The following TRIM33 variants were observed in gnomAD, a reference collection of about 807,000 sequenced individuals.
The protein encoded by TRIM33 is tripartite motif containing 33.
A neutral mutation model predicts 125.4 loss-of-function variants in TRIM33; 20 were observed. The observed-to-expected ratio is 0.16, with a 90% confidence interval of 0.11 to 0.23. The LOEUF (loss-of-function observed/expected upper bound fraction) is 0.23, where lower values mean the gene tolerates loss of function less well. TRIM33 is among the 10% of genes least tolerant of loss of function. TRIM33 has a pLI of 1.00. For synonymous variants in TRIM33, 564 were observed against 513.9 expected, an observed-to-expected ratio of 1.10 and a Z score of -1.32; for missense variants, 920 against 1,411.4, an observed-to-expected ratio of 0.65 and a Z score of 5.58.
chr1:114,444,039 C>T (rs946735566), intron 4 of TRIM33, among the ~76,000 whole-genome samples: 6 of 152,122 alleles, frequency 3.9e-5, no homozygotes, highest in African/African-American at 1.4e-4. Flanking sequence ...CAAAAATTTA[C>T]ATTCCTTTAA....
At chr1:114,480,311 G>A (rs895839632) in intron 1 of TRIM33, among the ~76,000 whole-genome samples, 1 of 151,960 alleles carries the variant, frequency 6.6e-6, no homozygotes, top group African/African-American at 2.4e-5. Flanking sequence ...ACCACTCCCT[G>A]ATCTCAAGTA....
At chr1:114,411,993 T>A (rs1256497743) in intron 11 of TRIM33, among the ~76,000 whole-genome samples, 1 of 152,116 alleles carries the variant, frequency 6.6e-6, no homozygotes. Flanking sequence ...AGCAAAGATA[T>A]TTCACAAAAG....
intron 4 of TRIM33, among the ~76,000 whole-genome samples, chr1:114,456,475 C>T (rs966543629): frequency 2.0e-5 from 3 of 152,044 alleles, no homozygotes; most frequent in Non-Finnish European, 4.4e-5. Flanking sequence ...GAAGTAGTTC[C>T]GCCATAGCAT....
chr1:114,470,031 A>G (rs746852790), intron 1 of TRIM33, among the ~76,000 whole-genome samples: 3 of 152,244 alleles, frequency 2.0e-5, no homozygotes, highest in Non-Finnish European at 4.4e-5. Flanking sequence ...GTGAAGTCAT[A>G]GTCATATATG....
At chr1:114,428,269 T>A (rs887143137) in intron 6 of TRIM33, among the ~76,000 whole-genome samples, 5 of 152,158 alleles carry the variant, frequency 3.3e-5, no homozygotes, top group Non-Finnish European at 7.4e-5. Flanking sequence ...GCCAAAAAAA[T>A]TTTGTGTCAC....
chr1:114,418,169 C>A (rs1036987581), intron 11 of TRIM33, among the ~76,000 whole-genome samples: 3 of 152,206 alleles, frequency 2.0e-5, no homozygotes, highest in African/African-American at 7.2e-5. Context: ...GGCACCTTCA[C>A]AAGGCAGTAG....
intron 1 of TRIM33, among the ~76,000 whole-genome samples, chr1:114,466,037 TCTC>T (rs1650279033): frequency 1.4e-5 from 2 of 147,410 alleles, no homozygotes; most frequent in Non-Finnish European, 3.0e-5. Flanking sequence ...AGAGACTCGG[TCTC>T]AAAAAAAAAA....
intron 13 of TRIM33, 102 bp from the exon 14 acceptor site, chr1:114,407,202 CAATT>C: frequency 2.0e-6 from 2 of 982,000 alleles, no homozygotes; most frequent in African/African-American, 1.6e-5. Flanking sequence ...AGACAATAGA[CAATT>C]AACTTTACAG....
chr1:114,494,932 G>A (rs961230026), intron 1 of TRIM33, among the ~76,000 whole-genome samples: 3 of 152,078 alleles, frequency 2.0e-5, no homozygotes, highest in African/African-American at 7.2e-5. Context: ...TGTTGTTATT[G>A]TTAGGCAGTC....
chr1:114,495,468 G>A (rs1197184316), intron 1 of TRIM33, among the ~76,000 whole-genome samples: 1 of 152,152 alleles, frequency 6.6e-6, no homozygotes, highest in Non-Finnish European at 1.5e-5. Flanking sequence ...AAAATAGAAT[G>A]AGTCTTCCCT....
intron 8 of TRIM33, among the ~76,000 whole-genome samples, 158 bp downstream of exon 8, chr1:114,427,019 C>T (rs34643195): frequency 0.13 from 20,378 of 152,202 alleles, 1,764 homozygotes; most frequent in Non-Finnish European, 0.19. Context: ...CACAAAACCA[C>T]AGCTAAAGTG....
At chr1:114,414,219 G>A (rs1652788374) in intron 11 of TRIM33, among the ~76,000 whole-genome samples, 1 of 151,972 alleles carries the variant, frequency 6.6e-6, no homozygotes, top group Non-Finnish European at 1.5e-5. Flanking sequence ...AGCTACAATG[G>A]TTTTATATGG....
Position 114,511,092 on chromosome 1 carries a change from C to G in TRIM33, c.-16G>C. 8.4e-7 allele frequency: 1 copy of G among 1,187,938 alleles called. No homozygotes were observed. The highest frequency in any genetic ancestry group is 1.0e-6 in the Non-Finnish European group (1 of 962,030). 73.6% of individuals were successfully genotyped at this position (1,187,938 alleles called of 1,614,324 possible). On this transcript the variant is annotated 5_prime_UTR_variant, in exon 1 of 20. Coordinates refer to ENST00000358465, the MANE Select transcript of TRIM33 (RefSeq NM_015906.4). ...TTTCCGCCATGTTTTCCTCTTTGAACCCGCCGGACCGCCCCGCGCCGCCCG... is the reference window on the plus strand; with the variant it reads ...TTTCCGCCATGTTTTCCTCTTTGAAGCCGCCGGACCGCCCCGCGCCGCCCG...
At chr1:114,476,041 T>A (rs766411310) in intron 1 of TRIM33, among the ~76,000 whole-genome samples, 2 of 151,916 alleles carry the variant, frequency 1.3e-5, no homozygotes, top group Non-Finnish European at 2.9e-5. Flanking sequence ...AAGGAGATCA[T>A]GAAAACATAG....
intron 4 of TRIM33, among the ~76,000 whole-genome samples, chr1:114,446,409 A>AAT (rs1351246554): frequency 6.6e-6 from 1 of 152,190 alleles, no homozygotes; most frequent in African/African-American, 2.4e-5. Flanking sequence ...TAAGGTATAT[A>AAT]ATGCATGAAT....
At chr1:114,460,757 T>C (rs1180702409) in intron 4 of TRIM33, among the ~76,000 whole-genome samples, 6 of 152,082 alleles carry the variant, frequency 3.9e-5, no homozygotes, top group Admixed American at 1.3e-4. Flanking sequence ...CTTTTTATTA[T>C]TTGTTTTTGC....
intron 17 of TRIM33, among the ~76,000 whole-genome samples, chr1:114,400,934 T>C (rs1311291777): frequency 1.3e-5 from 2 of 151,984 alleles, no homozygotes; most frequent in African/African-American, 4.8e-5. Flanking sequence ...CCCAATGAGG[T>C]AAAAAATCGT....
chr1:114,494,649 G>C (rs917397637), intron 1 of TRIM33, among the ~76,000 whole-genome samples: 3 of 152,090 alleles, frequency 2.0e-5, no homozygotes, highest in Non-Finnish European at 2.9e-5. Flanking sequence ...AGCACAACCC[G>C]AACAGGCAAC....
intron 4 of TRIM33, among the ~76,000 whole-genome samples, chr1:114,439,070 T>C (rs1292689432): frequency 6.6e-6 from 1 of 152,188 alleles, no homozygotes; most frequent in Admixed American, 6.6e-5. Context: ...TAATTAAATC[T>C]CAAAAATCAC....
Sources: allele counts gnomAD v4.1 joint callset (sites outside exome capture counted in the v4.1 genomes callset), GRCh38; gene constraint gnomAD v4.1.1; transcripts MANE v1.5; gene names NCBI Gene and HGNC (gene_info 2026-07-23, HGNC 2026-07-21).